The following AGMO variants were observed in gnomAD, a reference collection of about 807,000 sequenced individuals.
The protein encoded by AGMO is glyceryl-ether monooxygenase.
A neutral mutation model predicts 60.2 loss-of-function variants in AGMO; 75 were observed. The observed-to-expected ratio is 1.25, with a 90% CI of 1.03 to 1.51. The LOEUF (loss-of-function observed/expected upper bound fraction) is 1.51, where lower values mean the gene tolerates loss of function less well. Ranked by LOEUF, AGMO falls within the 40% of genes most tolerant of loss-of-function variation. The pLI is 0.00. For synonymous variants in AGMO, 261 were observed against 177.1 expected, an observed-to-expected ratio of 1.47 and a Z score of -3.76; for missense variants, 763 against 525.5, an observed-to-expected ratio of 1.45 and a Z score of -4.42.
intron 12 of AGMO, among the ~76,000 whole-genome samples, chr7:15,298,186 TAAC>T (rs142444809): frequency 0.043 from 6,560 of 152,142 alleles, 474 homozygotes; most frequent in African/African-American, 0.15. Context: ...TGGCAGAAAA[TAAC>T]AAGTTTCCTT....
At chr7:15,397,210 G>T (rs1203983789) in intron 5 of AGMO, among the ~76,000 whole-genome samples, 1 of 152,174 alleles carries the variant, frequency 6.6e-6, no homozygotes, top group Non-Finnish European at 1.5e-5. Flanking sequence ...CGCCGTCCTG[G>T]CCTACGACCC....
At chr7:15,263,227 C>T (rs930886418) in intron 12 of AGMO, among the ~76,000 whole-genome samples, 2 of 151,412 alleles carry the variant, frequency 1.3e-5, no homozygotes, top group Non-Finnish European at 3.0e-5. Context: ...TCAAACAAAT[C>T]AGGAAGAGAA....
intron 5 of AGMO, among the ~76,000 whole-genome samples, chr7:15,416,841 C>G (rs1393755483): frequency 6.6e-6 from 1 of 152,032 alleles, no homozygotes; most frequent in East Asian, 1.9e-4. Flanking sequence ...TGTATTAACT[C>G]TTAATTGAAA....
intron 1 of AGMO, among the ~76,000 whole-genome samples, 182 bp from the exon 2 acceptor site, chr7:15,560,453 A>C (rs1307596725): frequency 6.6e-6 from 1 of 152,184 alleles, no homozygotes; most frequent in Non-Finnish European, 1.5e-5. Context: ...TATTTTAGAC[A>C]TACACTAAAC....
At chr7:15,192,258 G>A in the AGMO span, among the ~76,000 whole-genome samples, 4 of 150,678 alleles carry the variant, frequency 2.7e-5, no homozygotes, top group Non-Finnish European at 4.4e-5. Flanking sequence ...ACCCTGGCCC[G>A]CCATGCCCCC....
intron 1 of AGMO, among the ~76,000 whole-genome samples, chr7:15,561,139 T>G (rs1469262456): frequency 6.6e-6 from 1 of 152,128 alleles, no homozygotes; most frequent in Non-Finnish European, 1.5e-5. Context: ...GTGGGGAACT[T>G]CAGTATTCAA....
chr7:15,184,697 AAAGGAG>A, the AGMO span, among the ~76,000 whole-genome samples: 1 of 39,708 alleles, frequency 2.5e-5, no homozygotes, highest in Non-Finnish European at 4.6e-5. Flanking sequence ...GAAGGAAGGG[AAAGGAG>A]GAAGGGAGGG....
intron 3 of AGMO, among the ~76,000 whole-genome samples, chr7:15,498,954 CAAAG>C (rs1414593948): frequency 6.6e-6 from 1 of 151,830 alleles, no homozygotes; most frequent in Non-Finnish European, 1.5e-5. Flanking sequence ...ATTTCATCCC[CAAAG>C]AAAGTATGAA....
intron 12 of AGMO, among the ~76,000 whole-genome samples, chr7:15,213,106 T>C (rs946179139): frequency 6.6e-5 from 10 of 151,990 alleles, no homozygotes; most frequent in African/African-American, 1.4e-4. Context: ...CACATAAAAA[T>C]AGATCTTTTT....
intron 5 of AGMO, among the ~76,000 whole-genome samples, chr7:15,408,966 T>A (rs916372454): frequency 7.9e-5 from 12 of 151,012 alleles, no homozygotes; most frequent in African/African-American, 2.9e-4. Context: ...ATGGAAAATA[T>A]GAAAAGAAGA....
intron 12 of AGMO, among the ~76,000 whole-genome samples, chr7:15,237,083 C>A (rs931575820): frequency 6.6e-6 from 1 of 152,092 alleles, no homozygotes; most frequent in South Asian, 2.1e-4. Flanking sequence ...AAATCAGTCT[C>A]AAATGTGCTT....
At chr7:15,166,094 T>C in the AGMO span, among the ~76,000 whole-genome samples, 1 of 152,136 alleles carries the variant, frequency 6.6e-6, no homozygotes, top group Admixed American at 6.6e-5. Context: ...TTATAGGAAG[T>C]GACAGATGCT....
At chr7:15,221,810 G>A (rs774281832) in intron 12 of AGMO, among the ~76,000 whole-genome samples, 14 of 151,996 alleles carry the variant, frequency 9.2e-5, no homozygotes, top group Non-Finnish European at 1.5e-4. Context: ...AGGAAACATA[G>A]TTATTCTTCT....
At position 15,332,973 on chromosome 7, in the gene AGMO, C is replaced by G. The variant is rs996228365; in HGVS notation, c.1263+32541G>C. Among the ~76,000 whole-genome samples, 63 of 152,044 alleles carry G rather than the reference C, an allele frequency of 4.1e-4. 1 individual carries two copies. Among genetic ancestry groups the G allele is most frequent in the Non-Finnish European group, 4.0e-4 (27 of 68,014 alleles). ...TATCAGTTCCTTTGTTGTGCTTCTC[C>G]CTGCCTTAATTTGAAATCTCTCTGG... On this transcript the variant is annotated intron_variant, in intron 12 of 12. Coordinates refer to ENST00000342526, the MANE Select transcript of AGMO (RefSeq NM_001004320.2).
At chr7:15,120,143 A>G in the AGMO span, among the ~76,000 whole-genome samples, 13 of 152,222 alleles carry the variant, frequency 8.5e-5, no homozygotes, top group East Asian at 1.7e-3. Flanking sequence ...AAAAAGAACA[A>G]AAAAGCTCAA....
intron 12 of AGMO, among the ~76,000 whole-genome samples, chr7:15,219,768 T>C (rs953219495): frequency 1.3e-5 from 2 of 152,146 alleles, no homozygotes; most frequent in African/African-American, 4.8e-5. Flanking sequence ...GTATTGGCTA[T>C]GGGGATGGAG....
At chr7:15,561,399 T>G (rs1218500243) in intron 1 of AGMO, among the ~76,000 whole-genome samples, 3 of 152,218 alleles carry the variant, frequency 2.0e-5, no homozygotes, top group African/African-American at 7.2e-5. Context: ...AGTTTACTGA[T>G]GTGGTGTAAC....
chr7:15,462,338 A>G (rs889621767), intron 3 of AGMO, among the ~76,000 whole-genome samples: 3 of 152,158 alleles, frequency 2.0e-5, no homozygotes, highest in African/African-American at 7.2e-5. Context: ...GCTTAGAAAA[A>G]TCTAATAAAA....
chr7:15,127,411 G>A, the AGMO span, among the ~76,000 whole-genome samples: 3 of 151,908 alleles, frequency 2.0e-5, no homozygotes, highest in Non-Finnish European at 4.4e-5. Flanking sequence ...AGAACTTAAC[G>A]AGTAATACGT....
Sources: gnomAD v4.1 joint callset for allele counts (sites outside exome capture counted in the v4.1 genomes callset) on GRCh38, gnomAD v4.1.1 for gene constraint, MANE v1.5 for transcripts, NCBI Gene and HGNC (gene_info 2026-07-23, HGNC 2026-07-21) for gene names.